FTCDNL1: variants seen among roughly 807,000 people sequenced by gnomAD.
FTCDNL1 encodes the protein formiminotransferase cyclodeaminase N-terminal like.
In FTCDNL1, 11 loss-of-function variants were observed where a neutral mutation model predicts 5.9. That is an observed-to-expected ratio of 1.87 (90% CI 1.18 to 3.10). The LOEUF is 3.10. Among genes scored for constraint, FTCDNL1 ranks in the 30% most tolerant of loss-of-function variants. The pLI, the probability that FTCDNL1 is intolerant of heterozygous loss-of-function variation, is 0.00. For missense variants in FTCDNL1, 115 were observed against 65.5 expected (o/e 1.76, Z -2.61); for synonymous variants, 58 against 24.8 (o/e 2.34, Z -3.99).
chr2:199,702,246 C>T, the FTCDNL1 span, among the ~76,000 whole-genome samples: 7 of 152,042 alleles, frequency 4.6e-5, no homozygotes, highest in East Asian at 1.4e-3. Flanking sequence ...TCAATTTACC[C>T]ATGTAACAAA....
chr2:199,836,435 G>A (rs1382415660), intron 3 of FTCDNL1, among the ~76,000 whole-genome samples: 1 of 152,118 alleles, frequency 6.6e-6, no homozygotes. Flanking sequence ...GCCTCCCAAA[G>A]TGCTGGGATT....
At position 199,824,894 on chromosome 2, in the gene FTCDNL1, T is replaced by C. The variant is rs1701929659; in HGVS notation, c.212-5137A>G. On this transcript the variant is annotated intron_variant, in intron 3 of 4. Coordinates refer to ENST00000420128, the MANE Select transcript of FTCDNL1 (RefSeq NM_001363886.2). ...GGCTCATGCCTGTAATCCCAGCACT[T>C]TGGGAGGCTGAGGCAGGCAGACTGC... Among the ~76,000 whole-genome samples, 3 of 152,130 alleles carry C rather than the reference T, an allele frequency of 2.0e-5. 1 individual carries two copies. The highest frequency in any genetic ancestry group is 2.0e-4 in the Admixed American group (3 of 15,294).
the FTCDNL1 span, among the ~76,000 whole-genome samples, chr2:199,671,477 A>G: frequency 1.3e-5 from 2 of 149,652 alleles, no homozygotes; most frequent in East Asian, 2.0e-4. Context: ...GTTTGAAAGG[A>G]AAAAAAAAAC....
At chr2:199,754,616 G>C in the FTCDNL1 span, among the ~76,000 whole-genome samples, 1 of 152,128 alleles carries the variant, frequency 6.6e-6, no homozygotes, top group Non-Finnish European at 1.5e-5. Flanking sequence ...TTGTTTCCTA[G>C]AGAGTCTCCA....
chr2:199,789,604 A>T (rs1250001205), intron 3 of FTCDNL1, among the ~76,000 whole-genome samples: 1 of 152,164 alleles, frequency 6.6e-6, no homozygotes. Context: ...ATTTAATATT[A>T]TCTCTGATTT....
At chr2:199,747,893 C>G in the FTCDNL1 span, among the ~76,000 whole-genome samples, 3 of 151,984 alleles carry the variant, frequency 2.0e-5, no homozygotes, top group Non-Finnish European at 4.4e-5. Flanking sequence ...TTCCCAAGAC[C>G]CTTCTTGGCC....
the FTCDNL1 span, among the ~76,000 whole-genome samples, chr2:199,742,323 A>G: frequency 1.3e-5 from 2 of 151,824 alleles, no homozygotes; most frequent in African/African-American, 2.4e-5. Context: ...CATTTACTAT[A>G]CCAATGTGGG....
At chr2:199,741,398 A>T in the FTCDNL1 span, among the ~76,000 whole-genome samples, 1 of 152,114 alleles carries the variant, frequency 6.6e-6, no homozygotes, top group East Asian at 1.9e-4. Context: ...TAATTGATGA[A>T]CTCCTTGTAG....
At chr2:199,778,076 G>A (rs1291282264) in intron 3 of FTCDNL1, among the ~76,000 whole-genome samples, 8 of 152,110 alleles carry the variant, frequency 5.3e-5, no homozygotes, top group Non-Finnish European at 1.0e-4. Flanking sequence ...AAAACAGGTG[G>A]TCCAAAACAT....
In FTCDNL1 at chr2:199,798,260, A is replaced by T. The variant is rs1342472915; in HGVS notation, c.212-37425T>A. The stretch of plus-strand genomic sequence containing the variant: ...CAACACCAGGGCTTGGAATTCAGCT[A>T]TTGGTACATTAATTTATTTAGCAAA... On this transcript the variant is annotated intron_variant, in intron 3 of 3. Transcript: ENST00000416668. Among the ~76,000 whole-genome samples, 3 of 152,338 alleles carry T rather than the reference A, an allele frequency of 2.0e-5. No individual in the cohort carries two copies. In the East Asian group the frequency reaches 5.8e-4, roughly 29 times the overall value.
At chr2:199,763,621 C>A (rs1446216253) in intron 3 of FTCDNL1, among the ~76,000 whole-genome samples, 1 of 152,094 alleles carries the variant, frequency 6.6e-6, no homozygotes, top group Non-Finnish European at 1.5e-5. Context: ...AGGGATGAGA[C>A]AACTTGGGGA....
chr2:199,710,565 A>C, the FTCDNL1 span, among the ~76,000 whole-genome samples: 3 of 152,134 alleles, frequency 2.0e-5, no homozygotes, highest in Non-Finnish European at 4.4e-5. Flanking sequence ...CAAAATAATG[A>C]GATTCAACTG....
chr2:199,671,810 A>G, the FTCDNL1 span, among the ~76,000 whole-genome samples: 7 of 152,268 alleles, frequency 4.6e-5, no homozygotes, highest in East Asian at 1.4e-3. Context: ...AGACCTGAGC[A>G]CCATATATAT....
the FTCDNL1 span, among the ~76,000 whole-genome samples, chr2:199,682,736 A>G: frequency 2.0e-5 from 3 of 152,228 alleles, no homozygotes; most frequent in Non-Finnish European, 4.4e-5. Flanking sequence ...TAATAAAGAC[A>G]TATGTATTAA....
chr2:199,731,681 G>A, the FTCDNL1 span, among the ~76,000 whole-genome samples: 4 of 152,186 alleles, frequency 2.6e-5, no homozygotes, highest in South Asian at 2.1e-4. Flanking sequence ...GAGGTCAGGA[G>A]ATCGAGACCA....
the FTCDNL1 span, among the ~76,000 whole-genome samples, chr2:199,716,136 C>A: frequency 6.7e-6 from 1 of 150,372 alleles, no homozygotes; most frequent in Admixed American, 6.6e-5. Flanking sequence ...ATTGGCAGTT[C>A]TCTTTAAGAT....
chr2:199,796,079 C>T (rs1379898435), intron 3 of FTCDNL1, among the ~76,000 whole-genome samples: 1 of 151,576 alleles, frequency 6.6e-6, no homozygotes, highest in Non-Finnish European at 1.5e-5. Context: ...TGGGAGATAC[C>T]AACTATGTCT....
intron 3 of FTCDNL1, among the ~76,000 whole-genome samples, chr2:199,774,717 A>AAC (rs1698977024): frequency 6.6e-6 from 1 of 152,100 alleles, no homozygotes; most frequent in African/African-American, 2.4e-5. Flanking sequence ...TCAACCTTCT[A>AAC]TGGAGCTTTG....
chr2:199,757,232 C>G (rs185831779), downstream of FTCDNL1, among the ~76,000 whole-genome samples: 16 of 152,188 alleles, frequency 1.1e-4, no homozygotes, highest in Admixed American at 9.8e-4. Context: ...ATATAAGAAC[C>G]CTTCTAGGAA....
Sources: allele counts gnomAD v4.1 joint callset (sites outside exome capture counted in the v4.1 genomes callset), GRCh38; gene constraint gnomAD v4.1.1; transcripts MANE v1.5; gene names NCBI Gene and HGNC (gene_info 2026-07-23, HGNC 2026-07-21).